CADPS: variants seen among roughly 807,000 people sequenced by gnomAD.
The protein encoded by CADPS is calcium-dependent secretion activator 1.
Under a neutral mutation model 167.3 loss-of-function variants are expected in CADPS, and 57 were observed. The ratio of observed to expected loss-of-function variants is 0.34; its 90% confidence interval spans 0.28 to 0.42. The LOEUF (loss-of-function observed/expected upper bound fraction) is 0.42, where lower values mean the gene tolerates loss of function less well. CADPS is among the 20% of genes least tolerant of loss of function. The probability of loss-of-function intolerance (pLI) is 1.00; values close to 1 mark genes in which losing one functional copy is unlikely to be tolerated. For missense variants in CADPS, 1,414 were observed against 1,738.1 expected, an observed-to-expected ratio of 0.81 and a Z score of 3.32; for synonymous variants, 676 against 635.3, an observed-to-expected ratio of 1.06 and a Z score of -0.96.
chr3:62,476,946 G>C (rs2061403699), intron 23 of CADPS, among the ~76,000 whole-genome samples: 1 of 152,222 alleles, frequency 6.6e-6, no homozygotes, highest in African/African-American at 2.4e-5. Flanking sequence ...TTTTGATCTT[G>C]AGTTTGAGAA....
At chr3:62,581,147 T>C (rs1020923346) in intron 8 of CADPS, among the ~76,000 whole-genome samples, 8 of 152,278 alleles carry the variant, frequency 5.3e-5, no homozygotes, top group Middle Eastern at 3.4e-3. Context: ...TTGTTATAGT[T>C]AGTAAAAATG....
intron 1 of CADPS, among the ~76,000 whole-genome samples, chr3:62,841,720 C>CA (rs945604813): frequency 6.6e-6 from 1 of 152,122 alleles, no homozygotes; most frequent in African/African-American, 2.4e-5. Flanking sequence ...TATTTCATAT[C>CA]AAGAGGGAAT....
chr3:62,531,115 T>C (rs1295507603), intron 13 of CADPS, among the ~76,000 whole-genome samples: 2 of 152,194 alleles, frequency 1.3e-5, no homozygotes, highest in African/African-American at 4.8e-5. Flanking sequence ...TAATTCATGA[T>C]GATGTTTACC....
chr3:62,523,978 G>C (rs2071389910), intron 13 of CADPS, among the ~76,000 whole-genome samples: 1 of 152,172 alleles, frequency 6.6e-6, no homozygotes, highest in African/African-American at 2.4e-5. Context: ...AGAAACATGA[G>C]AGCTTAAAGG....
chr3:62,846,426 G>A (rs1410871883), intron 1 of CADPS, among the ~76,000 whole-genome samples: 3 of 152,102 alleles, frequency 2.0e-5, no homozygotes, highest in Non-Finnish European at 4.4e-5. Flanking sequence ...TCGTTCTTTA[G>A]GGCTTGCAAA....
At chr3:62,543,588 T>C (rs1406269279) in intron 11 of CADPS, among the ~76,000 whole-genome samples, 1 of 152,032 alleles carries the variant, frequency 6.6e-6, no homozygotes, top group Non-Finnish European at 1.5e-5. Context: ...AAAACGTCTG[T>C]CTGCTAGCCA....
At chr3:62,562,564 G>T (rs1331072712) in intron 9 of CADPS, among the ~76,000 whole-genome samples, 1 of 152,170 alleles carries the variant, frequency 6.6e-6, no homozygotes, top group East Asian at 1.9e-4. Context: ...CAGACTCCTA[G>T]CCTCAGGTGA....
chr3:62,655,078 A>T (rs2071210974), intron 4 of CADPS, among the ~76,000 whole-genome samples: 3 of 152,168 alleles, frequency 2.0e-5, no homozygotes, highest in Admixed American at 2.0e-4. Flanking sequence ...CCAAAGAATG[A>T]TCACTCCTCC....
rs114410569 is a variant in CADPS, at chr3:62,607,188, G to T, written c.1326-14440C>A. On this transcript the variant is annotated intron_variant, in intron 6 of 29. Transcript: ENST00000383710. ...CCCTTGCATATTATATAAAGTCCAT[G>T]GCAGTCACTCAATAAACACCTGCCT... 6.3e-3 allele frequency among the ~76,000 whole-genome samples: 964 copies of T among 152,252 alleles called. 12 individuals carry two copies. Among genetic ancestry groups the T allele is most frequent in the African/African-American group, 0.022 (926 of 41,536 alleles).
Position 62,602,533 on chromosome 3 carries a change from T to C in CADPS, c.1326-9785A>G, listed in dbSNP as rs1192659602. Among the ~76,000 whole-genome samples the C allele has an allele frequency of 6.6e-6, 1 of 152,174 alleles. No individual in the cohort carries two copies. The highest frequency in any genetic ancestry group is 1.5e-5 in the Non-Finnish European group (1 of 68,026). ...GCATTAAAATCTTGTGGCCTGCCTT[T>C]GAGGTGGACTGCATGATATTCCACT... On this transcript the variant is annotated intron_variant, in intron 6 of 29. Transcript: ENST00000383710. This position sits in a 1 kb window ranked among gnomAD's most constrained non-coding sequence, Gnocchi z 4.4.
At chr3:62,831,862 C>A (rs1235260170) in intron 1 of CADPS, among the ~76,000 whole-genome samples, 1 of 152,148 alleles carries the variant, frequency 6.6e-6, no homozygotes, top group East Asian at 1.9e-4. Flanking sequence ...CCACACCACG[C>A]AATGTATTTG....
chr3:62,486,250 TCCTGGCTAACACGGTGAAAC>T lies in CADPS; in HGVS notation c.3027-4401_3027-4382del, dbSNP rs2062797197. Among the ~76,000 whole-genome samples the T allele has an allele frequency of 2.0e-5, 3 of 151,998 alleles. No individual in the cohort carries two copies. The South Asian group carries it at 6.2e-4, about 31-fold the overall frequency. ...TCACGAGGTCAGGAGATCGAGACCA[TCCTGGCTAACACGGTGAAAC>T]CCTGCCCCACTAAAAACACAAAAAA... On this transcript the variant is annotated intron_variant, in intron 21 of 29. Coordinates refer to ENST00000383710, the MANE Select transcript of CADPS (RefSeq NM_003716.4).
chr3:62,733,990 G>A (rs1485857334), intron 3 of CADPS, among the ~76,000 whole-genome samples: 1 of 152,140 alleles, frequency 6.6e-6, no homozygotes, highest in South Asian at 2.1e-4. Flanking sequence ...ACGGTGAGTA[G>A]TATTCCATGG....
In CADPS at chr3:62,519,484, A is replaced by G. The variant is rs183146237; in HGVS notation, c.2292-1234T>C. Among the ~76,000 whole-genome samples, 16 of 152,312 alleles carry G rather than the reference A, an allele frequency of 1.1e-4. No individual in the cohort carries two copies. In the East Asian group the frequency reaches 3.1e-3, roughly 29 times the overall value. On this transcript the variant is annotated intron_variant, in intron 13 of 29. Coordinates refer to ENST00000383710, the MANE Select transcript of CADPS (RefSeq NM_003716.4). Reference sequence around the variant, plus strand: ...GCGAAAATTTCCTCTTCCCCACTTTATAAAAAATACCCCCAAACAGTAAAA... The same window carrying G: ...GCGAAAATTTCCTCTTCCCCACTTTGTAAAAAATACCCCCAAACAGTAAAA...
chr3:62,492,605 G>A (rs143548624), intron 19 of CADPS, among the ~76,000 whole-genome samples, 159 bp from the exon 20 acceptor site: 1 of 152,254 alleles, frequency 6.6e-6, no homozygotes, highest in East Asian at 1.9e-4. Flanking sequence ...ATACAATTGG[G>A]GTGTTAAGTG....
intron 1 of CADPS, among the ~76,000 whole-genome samples, chr3:62,834,219 G>A (rs1043404746): frequency 2.0e-5 from 3 of 152,084 alleles, no homozygotes; most frequent in Non-Finnish European, 2.9e-5. Flanking sequence ...GCCAGTTGAG[G>A]ATAATACCCT....
intron 17 of CADPS, among the ~76,000 whole-genome samples, chr3:62,505,473 T>G (rs1440478059): frequency 6.6e-6 from 1 of 152,182 alleles, no homozygotes; most frequent in Non-Finnish European, 1.5e-5. Context: ...TCCACACTCT[T>G]GCCGAGGGGG....
chr3:62,748,052 G>A (rs185440293), intron 3 of CADPS, among the ~76,000 whole-genome samples: 289 of 151,684 alleles, frequency 1.9e-3, no homozygotes, highest in African/African-American at 6.9e-3. Flanking sequence ...CGGGCGTGGC[G>A]GCTTACACCT....
chr3:62,858,259 T>C (rs981271352), intron 1 of CADPS, among the ~76,000 whole-genome samples: 3 of 152,232 alleles, frequency 2.0e-5, no homozygotes, highest in African/African-American at 7.2e-5. Flanking sequence ...GCAACTTCAC[T>C]ATATTCAGCC....
Sources: allele counts gnomAD v4.1 joint callset (sites outside exome capture counted in the v4.1 genomes callset), GRCh38; gene constraint gnomAD v4.1.1; non-coding constraint Gnocchi (gnomAD v3.1); transcripts MANE v1.5; gene names NCBI Gene and HGNC (gene_info 2026-07-23, HGNC 2026-07-21).